Variants in OSGIN2 observed in about 807,000 individuals in gnomAD.
OSGIN2 encodes oxidative stress-induced growth inhibitor 2.
Under a neutral mutation model 53.8 loss-of-function variants are expected in OSGIN2, and 19 were observed. That is an observed-to-expected ratio of 0.35 (90% CI 0.25 to 0.52). OSGIN2 has a LOEUF of 0.52. Among genes scored for constraint, OSGIN2 ranks in the 20% least tolerant of loss-of-function variants. OSGIN2 has a pLI of 0.95. For synonymous variants in OSGIN2, 236 were observed against 236.0 expected (o/e 1.00, Z 0.00); for missense variants, 520 against 662.7 (o/e 0.78, Z 2.36).
At chr8:89,903,980 T>A (rs745938348) in intron 1 of OSGIN2, among the ~76,000 whole-genome samples, 1 of 152,178 alleles carries the variant, frequency 6.6e-6, no homozygotes, top group Non-Finnish European at 1.5e-5. Flanking sequence ...CGTCATCCTA[T>A]AGTAAAAGAG....
At chr8:89,905,665 G>A (rs2130687623) in intron 1 of OSGIN2, among the ~76,000 whole-genome samples, 1 of 152,292 alleles carries the variant, frequency 6.6e-6, no homozygotes, top group African/African-American at 2.4e-5. Flanking sequence ...ACTACAAATA[G>A]TTTATCACAG....
rs767371226 is a variant in OSGIN2, at chr8:89,921,184, C to T, written c.620+13C>T. 3.4e-6 allele frequency: 5 copies of T among 1,468,782 alleles called. No individual in the cohort carries two copies. In the Admixed American group the frequency reaches 1.0e-4, roughly 30 times the overall value. 91.0% of individuals were successfully genotyped at this position (1,468,782 alleles called of 1,614,324 possible). On this transcript the variant is annotated intron_variant, in intron 5 of 5. Transcript: ENST00000451899. ...CAAGTAAACGAAGGTAAAGATTGAA[C>T]TGTATTAAAATTCTTTGGTGTACGT...
intron 1 of OSGIN2, among the ~76,000 whole-genome samples, chr8:89,907,702 G>A (rs773882839): frequency 2.0e-5 from 3 of 152,112 alleles, no homozygotes; most frequent in Non-Finnish European, 4.4e-5. Context: ...GATGCTTCCC[G>A]CTTTGTTCTT....
At position 89,924,977 on chromosome 8, in the gene OSGIN2, C is replaced by T. The variant is rs773820769; in HGVS notation, c.1095C>T (p.Tyr365=). The change falls in exon 6 of 6, where the codon TAC becomes TAT. Residue 365 remains tyrosine, a synonymous_variant. Coordinates refer to ENST00000451899, the MANE Select transcript of OSGIN2 (RefSeq NM_001126111.3). ...LTAADAVLCA[Y]NSNIPVIHVF... Reference sequence around the variant, plus strand: ...CCGCTGACGCAGTACTGTGTGCTTACAACAGTAATATCCCTGTGATTCATG... The same window carrying T: ...CCGCTGACGCAGTACTGTGTGCTTATAACAGTAATATCCCTGTGATTCATG... 3 of 1,613,844 alleles carry T rather than the reference C, an allele frequency of 1.9e-6. No homozygotes were observed. The highest frequency in any genetic ancestry group is 2.5e-6 in the Non-Finnish European group (3 of 1,179,698).
In OSGIN2 at chr8:89,914,581, T is replaced by C; in HGVS notation, c.363T>C (p.Leu121=). The C allele has an allele frequency of 6.2e-7, 1 of 1,614,076 alleles. No individual in the cohort carries two copies. Among genetic ancestry groups the C allele is most frequent in the East Asian group, 2.2e-5 (1 of 44,876 alleles). ...ACTTAGAATACTTGTCTGAGGGCCTTGAGGGCCGATCATCCAATCCAGTTG... is the reference window on the plus strand; with the variant it reads ...ACTTAGAATACTTGTCTGAGGGCCTCGAGGGCCGATCATCCAATCCAGTTG... The part of the protein sequence containing the change: ...DQDLEYLSEG[L]EGRSSNPVAV... The change falls in exon 4 of 6, where the codon CTT becomes CTC. Residue 121 remains leucine (L), a synonymous_variant. Coordinates refer to ENST00000451899, the MANE Select transcript of OSGIN2 (RefSeq NM_001126111.3).
At position 89,925,099 on chromosome 8, in the gene OSGIN2, C is replaced by G. The variant is rs773873675; in HGVS notation, c.1217C>G (p.Thr406Ser). 1 of 1,612,648 alleles carries G rather than the reference C, an allele frequency of 6.2e-7. No individual in the cohort carries two copies. The highest frequency in any genetic ancestry group is 1.7e-5 in the Admixed American group (1 of 60,008). The change falls in exon 6 of 6, where the codon ACT becomes AGT. Residue 406 changes from threonine (T) to serine (S), a missense_variant. Physicochemically the swap from Thr to Ser is moderately conservative, Grantham distance 58. Transcript: ENST00000451899. ...EYHKVYHMMC[T>S]QSYSVDSNLL... ...CATAAAGTCTATCATATGATGTGTA[C>G]TCAGTCATATTCTGTAGACTCAAAT...
chr8:89,906,199 G>C (rs541355563), intron 1 of OSGIN2, among the ~76,000 whole-genome samples: 157 of 152,250 alleles, frequency 1.0e-3, no homozygotes, highest in African/African-American at 3.6e-3. Flanking sequence ...TAGTTCAGGG[G>C]TGTCCACTCT....
chr8:89,917,930 G>A (rs72669977), intron 4 of OSGIN2, among the ~76,000 whole-genome samples: 8 of 151,950 alleles, frequency 5.3e-5, no homozygotes, highest in Non-Finnish European at 1.0e-4. Context: ...TCTATTGGTC[G>A]GTATGTAAAC....
intron 4 of OSGIN2, among the ~76,000 whole-genome samples, chr8:89,915,223 T>A (rs907878861): frequency 2.0e-5 from 3 of 152,208 alleles, no homozygotes; most frequent in African/African-American, 7.2e-5. Flanking sequence ...TTCTGGAGGC[T>A]GGAAGTCCCA....
At chr8:89,916,821 C>T (rs1320709296) in intron 4 of OSGIN2, among the ~76,000 whole-genome samples, 1 of 152,144 alleles carries the variant, frequency 6.6e-6, no homozygotes, top group Non-Finnish European at 1.5e-5. Context: ...AGATACCATT[C>T]CCACTGTAGC....
At chr8:89,914,905 T>C (rs1170766989) in intron 4 of OSGIN2, among the ~76,000 whole-genome samples, 159 bp downstream of exon 4, 3 of 152,218 alleles carry the variant, frequency 2.0e-5, no homozygotes, top group African/African-American at 7.2e-5. Flanking sequence ...TATGGGTTTA[T>C]TACAAGTAGC....
chr8:89,915,135 G>A (rs1427552662), intron 4 of OSGIN2, among the ~76,000 whole-genome samples: 2 of 152,152 alleles, frequency 1.3e-5, no homozygotes, highest in Admixed American at 6.5e-5. Context: ...ATGTAAAAGA[G>A]GTTGTGTTAG....
chr8:89,924,311 A>C (rs564627979), intron 5 of OSGIN2, among the ~76,000 whole-genome samples, 192 bp from the exon 6 acceptor site: 1 of 152,206 alleles, frequency 6.6e-6, no homozygotes, highest in African/African-American at 2.4e-5. Flanking sequence ...GACTTCTTCC[A>C]ATTTTTTGCT....
At position 89,921,076 on chromosome 8, in the gene OSGIN2, A is replaced by T; in HGVS notation, c.529-4A>T. ...GGTACATTTTTTTTTTTAAACTCTA[A>T]TAGAATATGGAAGGCTCCATGTTGA... is the stretch of plus-strand genomic sequence containing the variant. On this transcript the variant is annotated splice_polypyrimidine_tract_variant and splice_region_variant and intron_variant, in intron 4 of 5. Transcript: ENST00000451899. 3.9e-6 allele frequency: 6 copies of T among 1,550,208 alleles called. No individual in the cohort carries two copies. Among genetic ancestry groups the T allele is most frequent in the Non-Finnish European group, 5.3e-6 (6 of 1,139,340 alleles).
intron 4 of OSGIN2, among the ~76,000 whole-genome samples, chr8:89,917,913 G>A (rs2130706557): frequency 6.6e-6 from 1 of 152,020 alleles, no homozygotes; most frequent in Middle Eastern, 3.4e-3. Context: ...CAATTTCTCT[G>A]CCAGCTTCTA....
chr8:89,914,234 AT>A, intron 3 of OSGIN2, 21 bp downstream of exon 3: 3 of 1,549,210 alleles, frequency 1.9e-6, no homozygotes, highest in Non-Finnish European at 1.7e-6. Context: ...TTACATGTCA[AT>A]TTAAAAAATT....
intron 1 of OSGIN2, among the ~76,000 whole-genome samples, chr8:89,905,267 A>G (rs1276513758): frequency 6.6e-6 from 1 of 152,238 alleles, no homozygotes; most frequent in African/African-American, 2.4e-5. Flanking sequence ...CTTGCTTCCT[A>G]ACAATAGAGT....
At position 89,925,611 on chromosome 8, in the gene OSGIN2, A is replaced by AT; in HGVS notation, c.*83dup. The AT allele has an allele frequency of 9.0e-7, 1 of 1,116,068 alleles. No individual in the cohort carries two copies. The highest frequency in any genetic ancestry group is 1.3e-6 in the Non-Finnish European group (1 of 794,440). 69.1% of individuals were successfully genotyped at this position (1,116,068 alleles called of 1,614,324 possible). On this transcript the variant is annotated 3_prime_UTR_variant, in exon 6 of 6. Coordinates refer to ENST00000451899, the MANE Select transcript of OSGIN2 (RefSeq NM_001126111.3). ...GTGGTTTTGCAGTGTACTGGCTTGA[A>AT]TTTTCTGGACTTGAGTTAACTGAAG...
chr8:89,917,878 A>AT (rs1191844743), intron 4 of OSGIN2, among the ~76,000 whole-genome samples: 1 of 151,810 alleles, frequency 6.6e-6, no homozygotes, highest in Non-Finnish European at 1.5e-5. Context: ...TATTTATTTG[A>AT]TTTTCCCCAT....
Sources: allele counts gnomAD v4.1 joint callset (sites outside exome capture counted in the v4.1 genomes callset), GRCh38; gene constraint gnomAD v4.1.1; transcripts MANE v1.5; gene names NCBI Gene and HGNC (gene_info 2026-07-23, HGNC 2026-07-21).